Variants in SNX3 observed in about 807,000 individuals in gnomAD.
SNX3 encodes sorting nexin-3.
SNX3 carries 5 observed loss-of-function variants against 17.7 expected under a neutral mutation model. The observed-to-expected ratio is 0.28, with a 90% CI of 0.15 to 0.59. The LOEUF (loss-of-function observed/expected upper bound fraction) is 0.59, where lower values mean the gene tolerates loss of function less well. SNX3 is among the 20% of genes least tolerant of loss of function. SNX3 has a pLI of 0.88. For synonymous variants in SNX3, 91 were observed against 76.5 expected, an observed-to-expected ratio of 1.19 and a Z score of -0.99; for missense variants, 132 against 206.8, an observed-to-expected ratio of 0.64 and a Z score of 2.22.
At chr6:108,228,014 C>A (rs1455471000) in intron 1 of SNX3, among the ~76,000 whole-genome samples, 1 of 151,964 alleles carries the variant, frequency 6.6e-6, no homozygotes, top group Non-Finnish European at 1.5e-5. Flanking sequence ...AAGGGAGAAT[C>A]ATTATTTATA....
intron 1 of SNX3, among the ~76,000 whole-genome samples, chr6:108,251,286 G>A (rs1049039429): frequency 2.6e-5 from 4 of 152,220 alleles, no homozygotes; most frequent in African/African-American, 9.6e-5. Flanking sequence ...ACTCTAAACT[G>A]AAATTCCAGG....
At chr6:108,215,582 C>T (rs575177646) in intron 2 of SNX3, among the ~76,000 whole-genome samples, 2 of 152,242 alleles carry the variant, frequency 1.3e-5, no homozygotes, top group Admixed American at 1.3e-4. Context: ...AAATTTTCCC[C>T]TTCAAAGCCT....
chr6:108,229,648 C>T lies in SNX3; in HGVS notation c.163-6603G>A, dbSNP rs150328489. ...TGTCGCCCATGCTAGGGTAAAATGG[C>T]GCGAGTGCAATGGCCTCAGCCAGGA... On this transcript the variant is annotated intron_variant, in intron 1 of 3. Coordinates refer to ENST00000230085, the MANE Select transcript of SNX3 (RefSeq NM_003795.6). Among the ~76,000 whole-genome samples, 67 of 152,208 alleles carry T rather than the reference C, an allele frequency of 4.4e-4. 1 individual carries two copies. In the East Asian group the frequency reaches 9.8e-3, roughly 22 times the overall value.
At chr6:108,249,549 G>A (rs373615619) in intron 1 of SNX3, among the ~76,000 whole-genome samples, 16 of 152,242 alleles carry the variant, frequency 1.1e-4, no homozygotes, top group South Asian at 8.3e-4. Context: ...TTTGCTGACC[G>A]ACCCTGAACC....
intron 1 of SNX3, among the ~76,000 whole-genome samples, chr6:108,235,144 G>A (rs912028781): frequency 6.6e-6 from 1 of 152,116 alleles, no homozygotes; most frequent in Non-Finnish European, 1.5e-5. Flanking sequence ...CCATGTGACT[G>A]CCTTTGATCA....
At chr6:108,222,337 CAG>C (rs1306294608) in intron 2 of SNX3, 2 of 1,302,940 alleles carry the variant, frequency 1.5e-6, no homozygotes, top group Admixed American at 4.6e-5. Context: ...TGAGAGACAC[CAG>C]AGTGAGACCT....
Position 108,260,831 on chromosome 6 carries a change from T to C in SNX3, c.91A>G (p.Ile31Val). ...ACCGTTTGCGGGTTGCTCACATCGATCTCGAGGAAGTTGCTGGGGGGTCCG... is the reference window on the plus strand; with the variant it reads ...ACCGTTTGCGGGTTGCTCACATCGACCTCGAGGAAGTTGCTGGGGGGTCCG... The part of the protein sequence containing the change: ...AYGPPSNFLE[I>V]DVSNPQTVGV... The change falls in exon 1 of 4, where the codon ATC (isoleucine) becomes GTC (valine). Residue 31 changes from isoleucine (I) to valine (V), a missense_variant. Transcript: ENST00000230085. 6.2e-7 allele frequency: 1 copy of C among 1,613,754 alleles called. No homozygotes were observed. The highest frequency in any genetic ancestry group is 8.5e-7 in the Non-Finnish European group (1 of 1,179,806).
chr6:108,248,826 T>C (rs1349901761), intron 1 of SNX3, among the ~76,000 whole-genome samples: 4 of 151,940 alleles, frequency 2.6e-5, no homozygotes, highest in Non-Finnish European at 4.4e-5. Flanking sequence ...AGTGGTACCA[T>C]TATAGCTCAC....
intron 1 of SNX3, among the ~76,000 whole-genome samples, chr6:108,257,060 C>T (rs931548030): frequency 6.6e-6 from 1 of 152,142 alleles, no homozygotes; most frequent in Non-Finnish European, 1.5e-5. Flanking sequence ...TCAATCAGAT[C>T]CTGTAAAACT....
intron 1 of SNX3, among the ~76,000 whole-genome samples, chr6:108,239,627 C>T (rs995564027): frequency 3.3e-5 from 5 of 152,002 alleles, no homozygotes; most frequent in African/African-American, 9.7e-5. Flanking sequence ...ATTTTATGGC[C>T]GAAGACATTC....
In SNX3 at chr6:108,257,638, G is replaced by A. The variant is rs184748149; in HGVS notation, c.162+3122C>T. Among the ~76,000 whole-genome samples, 19 of 152,238 alleles carry A rather than the reference G, an allele frequency of 1.2e-4. No individual in the cohort carries two copies. The East Asian group carries it at 3.5e-3, about 28-fold the overall frequency. On this transcript the variant is annotated intron_variant, in intron 1 of 3. Coordinates refer to ENST00000230085, the MANE Select transcript of SNX3 (RefSeq NM_003795.6). ...TAAGGCCTAATTTCCTTACTATATG[G>A]TGTCCTTAGTTTTAAGTTAACACAT...
intron 1 of SNX3, among the ~76,000 whole-genome samples, chr6:108,226,199 T>C (rs1346487466): frequency 1.3e-5 from 2 of 152,234 alleles, no homozygotes; most frequent in Middle Eastern, 3.4e-3. Context: ...CTCAACCCCC[T>C]GTGTAGCTCA....
At chr6:108,246,412 C>T (rs1775692291) in intron 1 of SNX3, among the ~76,000 whole-genome samples, 1 of 146,904 alleles carries the variant, frequency 6.8e-6, no homozygotes, top group Non-Finnish European at 1.5e-5. Context: ...GCAACCTCTG[C>T]CTCCCAGGTT....
rs148108737 is a variant in SNX3, at chr6:108,247,329, G to A, written c.162+13431C>T. ...AGTAAGACAGGAGGAAACAGGAAACGATTATTGCTAAGTAAGAATGATGAA... is the reference window on the plus strand; with the variant it reads ...AGTAAGACAGGAGGAAACAGGAAACAATTATTGCTAAGTAAGAATGATGAA... On this transcript the variant is annotated intron_variant, in intron 1 of 3. Transcript: ENST00000230085. Among the ~76,000 whole-genome samples, 437 of 152,048 alleles carry A rather than the reference G, an allele frequency of 2.9e-3. 3 individuals carry two copies. The highest frequency in any genetic ancestry group is 5.8e-3 in the Admixed American group (88 of 15,254).
intron 3 of SNX3, among the ~76,000 whole-genome samples, chr6:108,213,649 CAA>C (rs34482948): frequency 2.6e-4 from 22 of 84,386 alleles, no homozygotes; most frequent in Admixed American, 4.1e-4. Context: ...AAGACTGTCT[CAA>C]AAAAAAAAAA....
intron 1 of SNX3, among the ~76,000 whole-genome samples, chr6:108,252,740 C>G (rs1050094985): frequency 6.6e-6 from 1 of 152,000 alleles, no homozygotes; most frequent in East Asian, 1.9e-4. Flanking sequence ...CCAAGGTTCA[C>G]GCAATCTTTG....
intron 1 of SNX3, among the ~76,000 whole-genome samples, chr6:108,232,478 C>T (rs576346539): frequency 9.8e-4 from 149 of 152,262 alleles, no homozygotes; most frequent in African/African-American, 3.5e-3. Context: ...CTATTAAAGT[C>T]AGCAGCTCAC....
At chr6:108,221,361 T>G (rs2114713230) in intron 2 of SNX3, among the ~76,000 whole-genome samples, 1 of 151,784 alleles carries the variant, frequency 6.6e-6, no homozygotes, top group African/African-American at 2.4e-5. Flanking sequence ...CCCCCGCAAT[T>G]TACCTAATAG....
At chr6:108,222,795 A>G (rs1774839041) in intron 2 of SNX3, among the ~76,000 whole-genome samples, 155 bp downstream of exon 2, 2 of 152,218 alleles carry the variant, frequency 1.3e-5, no homozygotes, top group African/African-American at 4.8e-5. Context: ...GAAAATTTAC[A>G]CAGACTCTAC....
Sources: allele counts gnomAD v4.1 joint callset (sites outside exome capture counted in the v4.1 genomes callset), GRCh38; gene constraint gnomAD v4.1.1; transcripts MANE v1.5; gene names NCBI Gene and HGNC (gene_info 2026-07-23, HGNC 2026-07-21).